Variants in ITGA8 observed in about 807,000 individuals in gnomAD.
ITGA8 encodes integrin alpha-8.
In ITGA8, 91 loss-of-function variants were observed where a neutral mutation model predicts 142.3. That is an observed-to-expected ratio of 0.64 (90% CI 0.54 to 0.76). The LOEUF (loss-of-function observed/expected upper bound fraction) is 0.76. ITGA8 is among the 30% of genes least tolerant of loss of function. The pLI is 0.00. For synonymous variants in ITGA8, 505 were observed against 485.2 expected, an observed-to-expected ratio of 1.04 and a Z score of -0.54; for missense variants, 1,406 against 1,327.7, an observed-to-expected ratio of 1.06 and a Z score of -0.92.
At chr10:15,544,411 C>A (rs902514364) in intron 27 of ITGA8, among the ~76,000 whole-genome samples, 1 of 152,146 alleles carries the variant, frequency 6.6e-6, no homozygotes, top group African/African-American at 2.4e-5. Context: ...CCAGGAGGAA[C>A]CAACCCTGCT....
chr10:15,561,237 A>ATATATATATG (rs1554772737), intron 25 of ITGA8, among the ~76,000 whole-genome samples: 59 of 78,862 alleles, frequency 7.5e-4, no homozygotes, highest in African/African-American at 5.2e-3. Flanking sequence ...ATATATATGT[A>ATATATATATG]TATATATATA....
intron 25 of ITGA8, among the ~76,000 whole-genome samples, chr10:15,567,463 A>C (rs1444265269): frequency 6.6e-6 from 1 of 152,192 alleles, no homozygotes; most frequent in African/African-American, 2.4e-5. Context: ...TGAACATTTC[A>C]AAATGTTGTA....
At chr10:15,637,513 T>TG (rs1833792638) in intron 13 of ITGA8, among the ~76,000 whole-genome samples, 10 of 143,464 alleles carry the variant, frequency 7.0e-5, no homozygotes, top group African/African-American at 1.7e-4. Context: ...AATTTTTTTT[T>TG]TTTTTTTTTG....
chr10:15,660,698 G>A (rs1043334081), intron 9 of ITGA8, among the ~76,000 whole-genome samples, 181 bp downstream of exon 9: 2 of 152,136 alleles, frequency 1.3e-5, no homozygotes, highest in African/African-American at 4.8e-5. Context: ...GCTAATGTAG[G>A]TGTTCTGAGC....
intron 10 of ITGA8, among the ~76,000 whole-genome samples, chr10:15,658,290 A>G (rs570038374): frequency 2.2e-4 from 34 of 152,322 alleles, no homozygotes; most frequent in African/African-American, 7.7e-4. Context: ...CCCTTTTTAC[A>G]GTGACCTTCT....
chr10:15,706,562 T>C (rs1007516387), intron 2 of ITGA8, among the ~76,000 whole-genome samples: 2 of 152,120 alleles, frequency 1.3e-5, no homozygotes, highest in African/African-American at 4.8e-5. Context: ...CACATCAGCC[T>C]TCCTAGTAGC....
chr10:15,654,655 A>T (rs11253593), intron 11 of ITGA8, among the ~76,000 whole-genome samples: 75,244 of 152,008 alleles, frequency 0.49, 19,549 homozygotes, highest in South Asian at 0.68. Context: ...TCCCTGAGAG[A>T]CCACATCTGT....
chr10:15,523,784 G>C (rs1833112572), intron 28 of ITGA8, among the ~76,000 whole-genome samples: 1 of 145,538 alleles, frequency 6.9e-6, no homozygotes, highest in South Asian at 2.2e-4. Flanking sequence ...AAATTAGACA[G>C]TTGTGGTGGT....
intron 25 of ITGA8, among the ~76,000 whole-genome samples, chr10:15,562,013 A>G (rs1833992040): frequency 6.6e-6 from 1 of 152,178 alleles, no homozygotes; most frequent in African/African-American, 2.4e-5. Flanking sequence ...AAATCTCGTG[A>G]GAACTCACTC....
intron 21 of ITGA8, among the ~76,000 whole-genome samples, chr10:15,593,283 A>G (rs1832956019): frequency 6.6e-6 from 1 of 152,242 alleles, no homozygotes; most frequent in Non-Finnish European, 1.5e-5. Context: ...GATGATATAA[A>G]TAAGGAAGTA....
At chr10:15,699,138 G>A (rs1488516491) in intron 2 of ITGA8, among the ~76,000 whole-genome samples, 1 of 152,160 alleles carries the variant, frequency 6.6e-6, no homozygotes, top group Non-Finnish European at 1.5e-5. Flanking sequence ...ACAAAAAGTA[G>A]TTGGGTGTGG....
intron 13 of ITGA8, among the ~76,000 whole-genome samples, chr10:15,637,245 A>G (rs189389393): frequency 1.3e-5 from 2 of 152,300 alleles, no homozygotes; most frequent in African/African-American, 4.8e-5. Flanking sequence ...GAAGTAGCTC[A>G]TATTCTGTTC....
At chr10:15,541,321 C>A (rs1833564612) in intron 27 of ITGA8, among the ~76,000 whole-genome samples, 1 of 152,166 alleles carries the variant, frequency 6.6e-6, no homozygotes, top group Non-Finnish European at 1.5e-5. Flanking sequence ...GGGCTAAGCC[C>A]CAATTTTGGG....
At chr10:15,610,505 A>G (rs1392803856) in intron 15 of ITGA8, among the ~76,000 whole-genome samples, 2 of 7,872 alleles carry the variant, frequency 2.5e-4, no homozygotes, top group Non-Finnish European at 6.3e-4. Flanking sequence ...GATTGGAACA[A>G]AAAAACCCAT....
intron 7 of ITGA8, 148 bp from the exon 8 acceptor site, chr10:15,671,795 A>C: frequency 1.6e-6 from 1 of 613,636 alleles, no homozygotes; most frequent in South Asian, 2.2e-5. Context: ...CTATAAAGGG[A>C]AAAATTAATC....
intron 21 of ITGA8, among the ~76,000 whole-genome samples, chr10:15,596,316 C>A (rs1404072851): frequency 1.3e-5 from 2 of 152,168 alleles, no homozygotes; most frequent in South Asian, 2.1e-4. Context: ...CCTTTACCCT[C>A]TGTGAGGCTT....
intron 2 of ITGA8, among the ~76,000 whole-genome samples, chr10:15,700,637 A>C (rs1302015109): frequency 6.6e-6 from 1 of 152,230 alleles, no homozygotes; most frequent in Non-Finnish European, 1.5e-5. Context: ...GAAAACCCAC[A>C]GAGCGGGAGA....
At chr10:15,678,300 C>G (rs1834670472) in intron 5 of ITGA8, among the ~76,000 whole-genome samples, 1 of 152,084 alleles carries the variant, frequency 6.6e-6, no homozygotes, top group Admixed American at 6.5e-5. Context: ...TACTGAACAT[C>G]TCTTTTTAAT....
chr10:15,657,836 T>C (rs999041313), intron 10 of ITGA8, among the ~76,000 whole-genome samples: 1 of 152,226 alleles, frequency 6.6e-6, no homozygotes, highest in African/African-American at 2.4e-5. Context: ...AATAGTCACA[T>C]ATAAGTTACA....
Sources: gnomAD v4.1 joint callset for allele counts (sites outside exome capture counted in the v4.1 genomes callset) on GRCh38, gnomAD v4.1.1 for gene constraint, MANE v1.5 for transcripts, NCBI Gene and HGNC (gene_info 2026-07-23, HGNC 2026-07-21) for gene names.